TLK1: variants seen among roughly 807,000 people sequenced by gnomAD.
The protein encoded by TLK1 is serine/threonine-protein kinase tousled-like 1.
A neutral mutation model predicts 105.3 loss-of-function variants in TLK1; 24 were observed. That is an observed-to-expected ratio of 0.23 (90% CI 0.17 to 0.32). The LOEUF (loss-of-function observed/expected upper bound fraction) is 0.32. TLK1 is among the 10% of genes least tolerant of loss of function. The probability of loss-of-function intolerance (pLI) is 1.00; values close to 1 mark genes in which losing one functional copy is unlikely to be tolerated. For missense variants in TLK1, 558 were observed against 910.5 expected (o/e 0.61, Z 4.98); for synonymous variants, 321 against 310.4 (o/e 1.03, Z -0.36).
chr2:171,002,999 G>A (rs1163846882), intron 18 of TLK1, among the ~76,000 whole-genome samples: 2 of 151,862 alleles, frequency 1.3e-5, no homozygotes, highest in African/African-American at 4.8e-5. Context: ...GTTTCGCTGG[G>A]CGTGGTGGCT....
rs1249893462 is a variant in TLK1, at chr2:170,993,648, GTTC to G, written c.*129_*131del. On this transcript the variant is annotated 3_prime_UTR_variant, in exon 21 of 21. Transcript: ENST00000431350. ...TATGAGGAACTTCAGTTCACAAACA[GTTC>G]TTAACCACGTCTTGTGTAAAAAAAA... 4 of 803,092 alleles carry G rather than the reference GTTC, an allele frequency of 5.0e-6. No homozygotes were observed. The highest frequency in any genetic ancestry group is 4.6e-5 in the Admixed American group (1 of 21,700). The allele number at this position is 803,092 out of a possible 1,614,324, so 49.7% of individuals were successfully genotyped here.
intron 2 of TLK1, among the ~76,000 whole-genome samples, chr2:171,106,780 C>T (rs1206779857): frequency 6.6e-6 from 1 of 152,206 alleles, no homozygotes; most frequent in Non-Finnish European, 1.5e-5. Flanking sequence ...TCACTCTAAA[C>T]ATTACAGGAG....
intron 2 of TLK1, among the ~76,000 whole-genome samples, chr2:171,114,052 G>A (rs1690299828): frequency 6.6e-6 from 1 of 151,998 alleles, no homozygotes; most frequent in South Asian, 2.1e-4. Flanking sequence ...TGTCAAATGG[G>A]CCCTTCCATA....
intron 3 of TLK1, among the ~76,000 whole-genome samples, chr2:171,072,209 T>A (rs1317222632): frequency 6.6e-6 from 1 of 152,236 alleles, no homozygotes; most frequent in Non-Finnish European, 1.5e-5. Context: ...TTAAAAGTAT[T>A]GATGCTTCCA....
In TLK1 at chr2:171,144,403, G is replaced by T. The variant is rs374736456; in HGVS notation, c.139+15887C>A. Among the ~76,000 whole-genome samples the T allele has an allele frequency of 5.1e-3, 771 of 152,180 alleles. 6 individuals carry two copies. Among genetic ancestry groups the T allele is most frequent in the African/African-American group, 0.017 (717 of 41,532 alleles). On this transcript the variant is annotated intron_variant, in intron 1 of 20. Coordinates refer to ENST00000431350, the MANE Select transcript of TLK1 (RefSeq NM_012290.5). ...AAAGCACACATGGAACATTCTCCAGGATAGATGATCTATGCTAGACCATAA... is the reference window on the plus strand; with the variant it reads ...AAAGCACACATGGAACATTCTCCAGTATAGATGATCTATGCTAGACCATAA...
intron 1 of TLK1, among the ~76,000 whole-genome samples, chr2:171,201,814 T>C (rs1376553203): frequency 1.3e-5 from 2 of 152,204 alleles, no homozygotes; most frequent in East Asian, 3.8e-4. Context: ...TGTGACCAAC[T>C]GGAGAGGGCA....
chr2:171,066,768 T>C (rs2105454396), intron 3 of TLK1: 1 of 1,474,226 alleles, frequency 6.8e-7, no homozygotes, highest in Non-Finnish European at 9.2e-7. Context: ...GCTATCCCTT[T>C]AAGGCTTTAT....
intron 18 of TLK1, among the ~76,000 whole-genome samples, chr2:171,000,923 C>T (rs1346038314): frequency 6.6e-6 from 1 of 152,190 alleles, no homozygotes; most frequent in Non-Finnish European, 1.5e-5. Context: ...TGGAAGCACT[C>T]ATCTCCATCA....
At chr2:171,188,340 C>G (rs1190833904) in intron 1 of TLK1, among the ~76,000 whole-genome samples, 2 of 152,086 alleles carry the variant, frequency 1.3e-5, no homozygotes, top group Admixed American at 1.3e-4. Flanking sequence ...GAGGCCAAGG[C>G]GGGTGGATGA....
At chr2:171,187,034 G>T (rs550031804) in intron 1 of TLK1, among the ~76,000 whole-genome samples, 1 of 132,678 alleles carries the variant, frequency 7.5e-6, no homozygotes, top group Non-Finnish European at 1.5e-5. Context: ...CTCCAGCCTG[G>T]GTGACAGGGT....
At chr2:171,121,735 G>A (rs1690664240) in intron 1 of TLK1, among the ~76,000 whole-genome samples, 1 of 152,176 alleles carries the variant, frequency 6.6e-6, no homozygotes, top group Non-Finnish European at 1.5e-5. Flanking sequence ...TACCATGGAA[G>A]ATGAGGGCAT....
At chr2:171,089,028 T>C (rs1215275135) in intron 2 of TLK1, among the ~76,000 whole-genome samples, 1 of 152,182 alleles carries the variant, frequency 6.6e-6, no homozygotes, top group Non-Finnish European at 1.5e-5. Context: ...ATTACAGACA[T>C]GTGCCACCAT....
At chr2:171,124,001 G>A (rs1382908583) in intron 1 of TLK1, among the ~76,000 whole-genome samples, 6 of 152,180 alleles carry the variant, frequency 3.9e-5, no homozygotes, top group African/African-American at 1.4e-4. Flanking sequence ...TTGCCTTTCA[G>A]TATGTCATCA....
At chr2:171,076,086 C>T (rs1299018547) in intron 3 of TLK1, among the ~76,000 whole-genome samples, 7 of 152,042 alleles carry the variant, frequency 4.6e-5, no homozygotes, top group South Asian at 2.1e-4. Flanking sequence ...GCCATGGTGG[C>T]GGGTGCCTGT....
chr2:171,064,470 T>C (rs1687898117), intron 3 of TLK1, among the ~76,000 whole-genome samples: 2 of 152,348 alleles, frequency 1.3e-5, no homozygotes, highest in Middle Eastern at 3.4e-3. Flanking sequence ...CCTATGTATT[T>C]GCTAAGGTAT....
chr2:171,116,564 G>A (rs1690438039), intron 2 of TLK1, among the ~76,000 whole-genome samples: 1 of 152,074 alleles, frequency 6.6e-6, no homozygotes, highest in Non-Finnish European at 1.5e-5. Flanking sequence ...GCCAGGCATG[G>A]TGGTGAGCAC....
chr2:171,007,467 C>A (rs1200141691), intron 14 of TLK1, among the ~76,000 whole-genome samples: 3 of 151,834 alleles, frequency 2.0e-5, no homozygotes, highest in Non-Finnish European at 4.4e-5. Flanking sequence ...CCTAGCAACC[C>A]CCTATTTCTT....
intron 10 of TLK1, among the ~76,000 whole-genome samples, chr2:171,048,413 TCTC>T (rs1187764582): frequency 2.6e-5 from 4 of 152,214 alleles, no homozygotes; most frequent in South Asian, 2.1e-4. Flanking sequence ...AAAATTATCT[TCTC>T]CTGCTTTCCA....
chr2:171,036,878 G>A (rs1686367699), intron 11 of TLK1, among the ~76,000 whole-genome samples: 1 of 152,128 alleles, frequency 6.6e-6, no homozygotes, highest in Admixed American at 6.5e-5. Flanking sequence ...GAAAGGATGT[G>A]AATCTTTGGG....
Sources: allele counts gnomAD v4.1 joint callset (sites outside exome capture counted in the v4.1 genomes callset), GRCh38; gene constraint gnomAD v4.1.1; transcripts MANE v1.5; gene names NCBI Gene and HGNC (gene_info 2026-07-23, HGNC 2026-07-21).